The following TACC2 variants were observed in gnomAD, a reference collection of about 807,000 sequenced individuals.
The protein encoded by TACC2 is transforming acidic coiled-coil containing protein 2.
In TACC2, 137 loss-of-function variants were observed where a neutral mutation model predicts 227.3. That is an observed-to-expected ratio of 0.60 (90% CI 0.52 to 0.69). The LOEUF (loss-of-function observed/expected upper bound fraction) is 0.69. Ranked by LOEUF, TACC2 falls within the 30% of genes least tolerant of loss-of-function variation. TACC2 has a pLI of 0.00. For synonymous variants in TACC2, 1,523 were observed against 1,487.5 expected (o/e 1.02, Z -0.55); for missense variants, 3,470 against 3,694.4 (o/e 0.94, Z 1.57).
intron 2 of TACC2, among the ~76,000 whole-genome samples, chr10:122,044,136 G>A (rs917973925): frequency 3.9e-5 from 6 of 152,100 alleles, no homozygotes; most frequent in South Asian, 2.1e-4. Context: ...CAGCTCTCTC[G>A]GGCTTCGAAG....
chr10:122,043,566 CT>C (rs1459097891), intron 2 of TACC2, among the ~76,000 whole-genome samples: 25 of 10,700 alleles, frequency 2.3e-3, no homozygotes, highest in African/African-American at 5.9e-3. Flanking sequence ...CTCTCTCTCT[CT>C]CTTTCTTTCT....
chr10:121,996,994 A>C (rs1025666809), intron 1 of TACC2, among the ~76,000 whole-genome samples: 2 of 151,914 alleles, frequency 1.3e-5, no homozygotes, highest in African/African-American at 4.8e-5. Flanking sequence ...GAACTGGAGA[A>C]GGAGAAAGAG....
chr10:122,247,591 C>G (rs1256364335), intron 19 of TACC2: 1 of 152,232 alleles, frequency 6.6e-6, no homozygotes, highest in Non-Finnish European at 1.5e-5. Context: ...AAGTCATGTC[C>G]TAGGTACCAG....
rs1316700807 is a variant in TACC2, at chr10:122,205,998, C to T, written c.5972-4399C>T. On this transcript the variant is annotated intron_variant, in intron 8 of 22. Transcript: ENST00000369005. The surrounding 1 kb of genome is among the most constrained non-coding windows in gnomAD (Gnocchi z 4.5). Reference sequence around the variant, plus strand: ...TGTAGGAGACCATCTACCCGTGATGCGGCAGCTTAAGAGAAGAGTCTGTGA... The same window carrying T: ...TGTAGGAGACCATCTACCCGTGATGTGGCAGCTTAAGAGAAGAGTCTGTGA... 6.6e-6 allele frequency among the ~76,000 whole-genome samples: 1 copy of T among 152,042 alleles called. No individual in the cohort carries two copies. Among genetic ancestry groups the T allele is most frequent in the Non-Finnish European group, 1.5e-5 (1 of 68,032 alleles).
chr10:122,001,448 T>C (rs1424027906), intron 1 of TACC2, among the ~76,000 whole-genome samples: 1 of 152,170 alleles, frequency 6.6e-6, no homozygotes, highest in Admixed American at 6.5e-5. Flanking sequence ...CCCACCCTCA[T>C]GATTCAATTA....
At position 122,050,667 on chromosome 10, in the gene TACC2, C is replaced by A; in HGVS notation, c.146+117C>A. The A allele has an allele frequency of 1.4e-6, 1 of 738,380 alleles. No homozygotes were observed. The highest frequency in any genetic ancestry group is 2.3e-6 in the Non-Finnish European group (1 of 435,620). The allele number at this position is 738,380 out of a possible 1,614,324, so 45.7% of individuals were successfully genotyped here. On this transcript the variant is annotated intron_variant, in intron 3 of 22. Transcript: ENST00000369005. This position sits in a 1 kb window ranked among gnomAD's most constrained non-coding sequence, Gnocchi z 4.6. ...AACTGGACCCTTAGACACATGGTAT[C>A]GTCCTCAGTGGTGAGATGTTCCAAG...
At chr10:122,098,035 T>TA (rs1293712040) in intron 5 of TACC2, among the ~76,000 whole-genome samples, 3 of 151,872 alleles carry the variant, frequency 2.0e-5, no homozygotes, top group African/African-American at 7.3e-5. Flanking sequence ...GGTAAATGGT[T>TA]AGGTGGGTAG....
chr10:122,084,521 C>G lies in TACC2; in HGVS notation c.2021C>G (p.Pro674Arg), dbSNP rs148637680. The G allele has an allele frequency of 1.7e-4, 272 of 1,613,608 alleles. 2 individuals carry two copies. The highest frequency in any genetic ancestry group is 1.2e-3 in the Middle Eastern group (7 of 6,062). Residue 674 changes from proline (P) to arginine (R), a missense_variant, in exon 4 of 23, where the codon CCA (proline) becomes CGA (arginine). Physicochemically the swap from Pro to Arg is moderately radical, Grantham distance 103. This residue lies in a region of TACC2 where 1,924 missense variants were observed against 1,978.3 expected (regional missense o/e 0.97). Coordinates refer to ENST00000369005, the MANE Select transcript of TACC2 (RefSeq NM_206862.4). The stretch of plus-strand genomic sequence containing the variant: ...GAGGACCCCGTCCTGCCCCCTGTGC[C>G]AGATGGAGCTGGTGAGCCCACTGTT... ...GEEDPVLPPVPDGAGEPTVPE... is the reference protein window; with the variant it reads ...GEEDPVLPPVRDGAGEPTVPE...
chr10:122,060,682 G>A (rs1026087558), intron 3 of TACC2, among the ~76,000 whole-genome samples: 6 of 152,186 alleles, frequency 3.9e-5, no homozygotes, highest in African/African-American at 1.2e-4. Context: ...GAGATGCCAG[G>A]ACTTGCTGAT....
chr10:122,119,580 C>T (rs766731173), intron 5 of TACC2, among the ~76,000 whole-genome samples: 2 of 148,374 alleles, frequency 1.3e-5, no homozygotes, highest in African/African-American at 2.6e-5. Context: ...GACTGTATAG[C>T]TTCTCCCAGC....
At chr10:122,122,338 A>G (rs1270317471) in intron 5 of TACC2, among the ~76,000 whole-genome samples, 3 of 152,194 alleles carry the variant, frequency 2.0e-5, no homozygotes, top group Admixed American at 6.5e-5. Flanking sequence ...CGGGGCGACA[A>G]GAATGAAACT....
intron 7 of TACC2, chr10:122,163,555 G>C: frequency 1.1e-5 from 11 of 993,666 alleles, no homozygotes; most frequent in Non-Finnish European, 1.3e-5. Flanking sequence ...GCTCGGCGAT[G>C]ATGACATCAT....
intron 6 of TACC2, among the ~76,000 whole-genome samples, chr10:122,136,533 TTGTGTG>T (rs111268746): frequency 6.9e-6 from 1 of 144,704 alleles, no homozygotes; most frequent in Non-Finnish European, 1.5e-5. Flanking sequence ...GTATGTATGT[TTGTGTG>T]TGTGTGTATA....
chr10:122,116,080 CT>C (rs2084654437), intron 5 of TACC2, among the ~76,000 whole-genome samples: 2 of 152,162 alleles, frequency 1.3e-5, no homozygotes, highest in African/African-American at 2.4e-5. Flanking sequence ...TTCACATCAA[CT>C]CCCTGCGATG....
rs2075528882 is a variant in TACC2 at position 122,050,308 on chromosome 10, TC to T, written c.34-129del. 1.4e-6 allele frequency: 1 copy of T among 700,786 alleles called. No individual in the cohort carries two copies. Among genetic ancestry groups the T allele is most frequent in the Non-Finnish European group, 2.5e-6 (1 of 402,600 alleles). The allele number at this position is 700,786 out of a possible 1,614,324, so 43.4% of individuals were successfully genotyped here. ...CTCAGTGCCGCACATAGTAGGTGTT[TC>T]GTTGGACGGCAGAGCAAGTGAACAA... On this transcript the variant is annotated intron_variant, in intron 2 of 22. Coordinates refer to ENST00000369005, the MANE Select transcript of TACC2 (RefSeq NM_206862.4). The surrounding 1 kb of genome is among the most constrained non-coding windows in gnomAD (Gnocchi z 4.6).
At chr10:122,067,032 A>G (rs530640089) in intron 3 of TACC2, among the ~76,000 whole-genome samples, 39 of 152,326 alleles carry the variant, frequency 2.6e-4, no homozygotes, top group African/African-American at 9.4e-4. Context: ...CCCATAATAC[A>G]TATTATTTGT....
intron 6 of TACC2, among the ~76,000 whole-genome samples, chr10:122,134,462 A>G (rs965261766): frequency 6.6e-6 from 1 of 152,060 alleles, no homozygotes; most frequent in African/African-American, 2.4e-5. Context: ...TACAGGCGTG[A>G]GCCACCTCGC....
At chr10:122,062,025 C>CTTTTTTTTTTTTT (rs140523380) in intron 3 of TACC2, among the ~76,000 whole-genome samples, 2 of 63,964 alleles carry the variant, frequency 3.1e-5, no homozygotes, top group Non-Finnish European at 5.4e-5. Flanking sequence ...GTCAGAGCGG[C>CTTTTTTTTTTTTT]TTTTTTTTTT....
At position 122,084,290 on chromosome 10, in the gene TACC2, A is replaced by C; in HGVS notation, c.1790A>C (p.Glu597Ala). 1 of 1,613,980 alleles carries C rather than the reference A, an allele frequency of 6.2e-7. No individual in the cohort carries two copies. Among genetic ancestry groups the C allele is most frequent in the South Asian group, 1.1e-5 (1 of 91,080 alleles). The change falls in exon 4 of 23, where the codon GAG (glutamate) becomes GCG (alanine). Residue 597 changes from glutamate (E) to alanine (A), a missense_variant. Coordinates refer to ENST00000369005, the MANE Select transcript of TACC2 (RefSeq NM_206862.4). ...DGGDPGNLQG[E>A]DSQAFSSKRD... ...GGAGACCCAGGGAACCTGCAAGGAG[A>C]GGACTCTCAGGCTTTCAGCAGCAAG...
Sources: allele counts gnomAD v4.1 joint callset (sites outside exome capture counted in the v4.1 genomes callset), GRCh38; gene constraint gnomAD v4.1.1; regional missense constraint gnomAD v4.1.1; non-coding constraint Gnocchi (gnomAD v3.1); transcripts MANE v1.5; gene names NCBI Gene and HGNC (gene_info 2026-07-23, HGNC 2026-07-21).